Variants in GADL1 observed in about 807,000 individuals in gnomAD.
The protein encoded by GADL1 is GAD like acidic amino acid decarboxylase 1.
A neutral mutation model predicts 69.5 loss-of-function variants in GADL1; 71 were observed. The observed-to-expected ratio is 1.02, with a 90% CI of 0.84 to 1.25. GADL1 has a LOEUF of 1.25. Ranked by LOEUF, GADL1 falls within the 50% of genes most tolerant of loss-of-function variation. The pLI is 0.00. For synonymous variants in GADL1, 254 were observed against 214.4 expected, an observed-to-expected ratio of 1.18 and a Z score of -1.62; for missense variants, 737 against 631.8, an observed-to-expected ratio of 1.17 and a Z score of -1.79.
intron 14 of GADL1, among the ~76,000 whole-genome samples, chr3:30,775,326 A>G (rs1195566759): frequency 1.3e-5 from 2 of 152,200 alleles, no homozygotes; most frequent in Non-Finnish European, 2.9e-5. Flanking sequence ...GCAAAGCCTT[A>G]TTTGATTTGT....
chr3:30,820,742 A>T (rs1697561173), intron 11 of GADL1, among the ~76,000 whole-genome samples: 1 of 152,008 alleles, frequency 6.6e-6, no homozygotes, highest in South Asian at 2.1e-4. Context: ...AACTAGTTCA[A>T]CCATTGTGGA....
chr3:30,818,394 A>G (rs557339071), intron 11 of GADL1, among the ~76,000 whole-genome samples: 2 of 152,328 alleles, frequency 1.3e-5, no homozygotes, highest in East Asian at 1.9e-4. Flanking sequence ...TGGAGCCACC[A>G]TTACTTCTAA....
At chr3:30,763,998 T>C (rs545466387) in intron 14 of GADL1, among the ~76,000 whole-genome samples, 25 of 152,284 alleles carry the variant, frequency 1.6e-4, no homozygotes, top group Non-Finnish European at 3.1e-4. Flanking sequence ...CATAAAATAT[T>C]TCTACTAAAC....
At chr3:30,741,669 A>C (rs1299234020) in intron 14 of GADL1, among the ~76,000 whole-genome samples, 7 of 152,192 alleles carry the variant, frequency 4.6e-5, no homozygotes, top group Admixed American at 2.6e-4. Context: ...AATTATTATG[A>C]TTAGAATTAT....
At chr3:30,827,494 G>A (rs1248919735) in intron 11 of GADL1, among the ~76,000 whole-genome samples, 1 of 151,810 alleles carries the variant, frequency 6.6e-6, no homozygotes, top group Non-Finnish European at 1.5e-5. Context: ...AAAATGAATG[G>A]CAATGGTAAT....
At chr3:30,785,039 TC>T (rs1343685678) in intron 13 of GADL1, among the ~76,000 whole-genome samples, 4 of 152,166 alleles carry the variant, frequency 2.6e-5, no homozygotes, top group Non-Finnish European at 4.4e-5. Flanking sequence ...AGGTCTCAGC[TC>T]AAAGATAACC....
intron 1 of GADL1, among the ~76,000 whole-genome samples, chr3:30,865,193 A>T (rs534158265): frequency 3.3e-5 from 5 of 151,880 alleles, no homozygotes; most frequent in Admixed American, 1.3e-4. Flanking sequence ...TGACTACCTC[A>T]TATGAAGCTG....
chr3:30,805,398 C>T (rs1371877961), intron 11 of GADL1, among the ~76,000 whole-genome samples: 1 of 152,064 alleles, frequency 6.6e-6, no homozygotes, highest in African/African-American at 2.4e-5. Flanking sequence ...AGGAAAATGG[C>T]AGAAGAGAGA....
At chr3:30,786,769 G>A (rs1246281132) in intron 12 of GADL1, among the ~76,000 whole-genome samples, 2 of 152,184 alleles carry the variant, frequency 1.3e-5, no homozygotes, top group African/African-American at 4.8e-5. Context: ...AGCTGGCTTG[G>A]AGGAAAGAGT....
intron 11 of GADL1, among the ~76,000 whole-genome samples, chr3:30,813,767 A>T (rs1033433902): frequency 2.9e-4 from 44 of 152,244 alleles, no homozygotes; most frequent in African/African-American, 1.0e-3. Context: ...TTTGTGGGAT[A>T]TTACTGACAT....
chr3:30,768,274 C>T (rs770660689), intron 14 of GADL1, among the ~76,000 whole-genome samples: 1 of 151,974 alleles, frequency 6.6e-6, no homozygotes, highest in Non-Finnish European at 1.5e-5. Flanking sequence ...TTATTGTTTA[C>T]AATAGCAAAA....
At chr3:30,785,654 G>T (rs1031149955) in intron 13 of GADL1, among the ~76,000 whole-genome samples, 3 of 152,094 alleles carry the variant, frequency 2.0e-5, no homozygotes, top group South Asian at 2.1e-4. Flanking sequence ...AATTACAGGC[G>T]TGAGCCACTG....
At chr3:30,831,414 C>CTCTG (rs976992488) in intron 11 of GADL1, among the ~76,000 whole-genome samples, 14 of 152,032 alleles carry the variant, frequency 9.2e-5, no homozygotes, top group African/African-American at 3.4e-4. Flanking sequence ...CTATACTCTT[C>CTCTG]TCTGTATTAG....
chr3:30,824,494 G>A (rs1345301194), intron 11 of GADL1, among the ~76,000 whole-genome samples: 1 of 136,714 alleles, frequency 7.3e-6, no homozygotes, highest in Non-Finnish European at 1.5e-5. Flanking sequence ...AAAGATATGT[G>A]CACAAAAATA....
chr3:30,809,196 T>C (rs919750847), intron 11 of GADL1, among the ~76,000 whole-genome samples: 1 of 152,238 alleles, frequency 6.6e-6, no homozygotes, highest in Non-Finnish European at 1.5e-5. Context: ...TTGCATTTTT[T>C]CCTATGGCAT....
intron 1 of GADL1, among the ~76,000 whole-genome samples, chr3:30,877,299 GAAC>G (rs1200102381): frequency 2.6e-5 from 4 of 151,712 alleles, no homozygotes; most frequent in Non-Finnish European, 5.9e-5. Flanking sequence ...AACAATAAAA[GAAC>G]AATTAAATGC....
chr3:30,807,216 C>T (rs976391839), intron 11 of GADL1, among the ~76,000 whole-genome samples: 17 of 152,218 alleles, frequency 1.1e-4, no homozygotes, highest in Non-Finnish European at 2.2e-4. Context: ...CCCCTCCCAG[C>T]TGTCACTGCC....
chr3:30,886,748 T>G (rs1698716247), intron 1 of GADL1, among the ~76,000 whole-genome samples: 1 of 152,192 alleles, frequency 6.6e-6, no homozygotes, highest in Non-Finnish European at 1.5e-5. Context: ...TGAATGGAGC[T>G]TCTGGGTCCC....
chr3:30,876,608 C>G (rs1698579633), intron 1 of GADL1, among the ~76,000 whole-genome samples: 1 of 151,924 alleles, frequency 6.6e-6, no homozygotes. Flanking sequence ...TCAGGTGTCT[C>G]TTCCATGCAC....
Sources: gnomAD v4.1 joint callset for allele counts (sites outside exome capture counted in the v4.1 genomes callset) on GRCh38, gnomAD v4.1.1 for gene constraint, MANE v1.5 for transcripts, NCBI Gene and HGNC (gene_info 2026-07-23, HGNC 2026-07-21) for gene names.